The following LAMA2 variants were observed in gnomAD, a reference collection of about 807,000 sequenced individuals.
LAMA2 encodes laminin subunit alpha 2, also known as laminin subunit alpha-2.
LAMA2 carries 269 observed loss-of-function variants against 364.8 expected under a neutral mutation model. That is an observed-to-expected ratio of 0.74 (90% CI 0.67 to 0.82). The LOEUF (loss-of-function observed/expected upper bound fraction) is 0.82, where lower values mean the gene tolerates loss of function less well. Ranked by LOEUF, LAMA2 falls within the 40% of genes least tolerant of loss-of-function variation. The pLI is 0.00. For missense variants in LAMA2, 3,807 were observed against 3,873.2 expected, an observed-to-expected ratio of 0.98 and a Z score of 0.45; for synonymous variants, 1,379 against 1,370.6, an observed-to-expected ratio of 1.01 and a Z score of -0.14.
intron 37 of LAMA2, among the ~76,000 whole-genome samples, chr6:129,394,013 A>G (rs966895083): frequency 6.6e-5 from 10 of 152,204 alleles, no homozygotes. Flanking sequence ...GTTCTGATGG[A>G]ACTAGAACTA....
At chr6:129,081,050 A>G in intron 3 of LAMA2, among the ~76,000 whole-genome samples, 1 of 152,248 alleles carries the variant, frequency 6.6e-6, no homozygotes, top group Non-Finnish European at 1.5e-5. Flanking sequence ...ATACCATGGA[A>G]TACTATGTAG....
At chr6:129,305,613 A>ATGTG (rs1025244814) in intron 22 of LAMA2, among the ~76,000 whole-genome samples, 2 of 151,776 alleles carry the variant, frequency 1.3e-5, no homozygotes, top group East Asian at 3.9e-4. Flanking sequence ...GCCTAGCTTA[A>ATGTG]TGTGTGTGTG....
Position 129,088,153 on chromosome 6 carries a change from C to T in LAMA2, c.397-10020C>T, listed in dbSNP as rs552442477. Among the ~76,000 whole-genome samples the T allele has an allele frequency of 5.4e-3, 740 of 137,306 alleles. 15 individuals are homozygous for T. The highest frequency in any genetic ancestry group is 0.018 in the African/African-American group (700 of 38,020). 90.1% of individuals were successfully genotyped at this position (137,306 alleles called of 152,430 possible). On this transcript the variant is annotated intron_variant, in intron 3 of 64. Coordinates refer to ENST00000421865, the MANE Select transcript of LAMA2 (RefSeq NM_000426.4). ...TTAACAAAGCACATCTTGTACCGCC[C>T]TTAATCCATTCAACCCTGAGTGGAC...
At chr6:129,119,156 A>G (rs1231476988) in intron 4 of LAMA2, among the ~76,000 whole-genome samples, 1 of 152,220 alleles carries the variant, frequency 6.6e-6, no homozygotes, top group Non-Finnish European at 1.5e-5. Context: ...TATCAATAAA[A>G]TGTGTTCTTG....
At chr6:129,344,723 G>A (rs1776448865) in intron 30 of LAMA2, among the ~76,000 whole-genome samples, 2 of 152,194 alleles carry the variant, frequency 1.3e-5, no homozygotes, top group Non-Finnish European at 2.9e-5. Context: ...GGAGCAGTCA[G>A]AAGAGAGGGA....
chr6:129,182,789 A>G (rs1781007305), intron 10 of LAMA2, among the ~76,000 whole-genome samples: 3 of 151,796 alleles, frequency 2.0e-5, no homozygotes, highest in Non-Finnish European at 4.4e-5. Context: ...ATTCATTTGT[A>G]TCTAAGTATC....
chr6:129,201,240 AAC>A (rs1433450987), intron 12 of LAMA2, among the ~76,000 whole-genome samples: 1 of 152,190 alleles, frequency 6.6e-6, no homozygotes, highest in Non-Finnish European at 1.5e-5. Context: ...AAAAAAGCCA[AAC>A]ACAGCCTGGC....
chr6:129,285,762 C>G (rs1700570936), intron 18 of LAMA2, among the ~76,000 whole-genome samples: 2 of 151,984 alleles, frequency 1.3e-5, no homozygotes, highest in African/African-American at 4.8e-5. Flanking sequence ...TTATCAAATG[C>G]CTCTCTTGAA....
At chr6:128,982,460 A>G (rs1177654297) in intron 1 of LAMA2, among the ~76,000 whole-genome samples, 1 of 152,100 alleles carries the variant, frequency 6.6e-6, no homozygotes, top group African/African-American at 2.4e-5. Flanking sequence ...ATAGATCTCA[A>G]AAACATAACA....
At chr6:129,353,427 A>G in intron 32 of LAMA2, 70 bp downstream of exon 32, 1 of 1,322,166 alleles carries the variant, frequency 7.6e-7, no homozygotes. Context: ...CCAATGAGAA[A>G]GAGTGACTCT....
At chr6:128,929,918 A>T in intron 1 of LAMA2, 1 of 824,706 alleles carries the variant, frequency 1.2e-6, no homozygotes, top group Non-Finnish European at 2.0e-6. Flanking sequence ...GTACGCAGCA[A>T]GCAGGAGCGC....
chr6:129,306,313 CTTTT>C (rs11315443), intron 22 of LAMA2, among the ~76,000 whole-genome samples: 1 of 70,416 alleles, frequency 1.4e-5, no homozygotes, highest in Non-Finnish European at 3.0e-5. Context: ...TAATTTTTTC[CTTTT>C]TTTTTTTTTT....
intron 12 of LAMA2, among the ~76,000 whole-genome samples, chr6:129,214,193 G>A (rs866111879): frequency 1.3e-5 from 2 of 152,148 alleles, no homozygotes; most frequent in East Asian, 1.9e-4. Context: ...AGTTAGGACA[G>A]GTGCATTTGG....
At position 129,312,969 on chromosome 6, in the gene LAMA2, C is replaced by G; in HGVS notation, c.3283C>G (p.Arg1095Gly). Residue 1095 changes from arginine (R) to glycine (G), a missense_variant, in exon 23 of 65, where the codon CGA (arginine) becomes GGA (glycine). Physicochemically the swap from Arg to Gly is moderately radical, Grantham distance 125 (BLOSUM62 -2). Coordinates refer to ENST00000421865, the MANE Select transcript of LAMA2 (RefSeq NM_000426.4). The part of the protein sequence containing the change: ...FSGAKCTECS[R>G]GHWNYPRCNL... Reference sequence around the variant, plus strand: ...TGGTGCAAAATGTACAGAGTGCAGTCGAGGTCACTGGAACTACCCTCGCTG... The same window carrying G: ...TGGTGCAAAATGTACAGAGTGCAGTGGAGGTCACTGGAACTACCCTCGCTG... 1.2e-5 allele frequency: 19 copies of G among 1,614,006 alleles called. No homozygotes were observed. The highest frequency in any genetic ancestry group is 1.5e-5 in the Non-Finnish European group (18 of 1,179,880).
At chr6:128,998,149 A>G (rs907034974) in intron 1 of LAMA2, among the ~76,000 whole-genome samples, 1 of 152,166 alleles carries the variant, frequency 6.6e-6, no homozygotes, top group Non-Finnish European at 1.5e-5. Flanking sequence ...GCCTGGGCAC[A>G]GTCATGTTGG....
At chr6:129,361,965 G>T (rs974701318) in intron 32 of LAMA2, among the ~76,000 whole-genome samples, 1 of 151,708 alleles carries the variant, frequency 6.6e-6, no homozygotes, top group Non-Finnish European at 1.5e-5. Context: ...TGTATTTTTA[G>T]TAGAGATGGG....
chr6:128,923,893 A>G (rs145564159), intron 1 of LAMA2, among the ~76,000 whole-genome samples: 22 of 152,240 alleles, frequency 1.4e-4, no homozygotes, highest in African/African-American at 5.1e-4. Flanking sequence ...TATGGTTGCT[A>G]TGGCAGAGGA....
intron 28 of LAMA2, among the ~76,000 whole-genome samples, chr6:129,324,475 T>C (rs1288264731): frequency 6.6e-6 from 1 of 152,204 alleles, no homozygotes; most frequent in Non-Finnish European, 1.5e-5. Context: ...ATGAATCTGT[T>C]TCCAAAACCT....
intron 29 of LAMA2, among the ~76,000 whole-genome samples, chr6:129,336,077 T>G (rs1775941828): frequency 6.6e-6 from 1 of 152,212 alleles, no homozygotes; most frequent in Non-Finnish European, 1.5e-5. Flanking sequence ...GGAAACTGAT[T>G]GTCATCTCCA....
Sources: gnomAD v4.1 joint callset for allele counts (sites outside exome capture counted in the v4.1 genomes callset) on GRCh38, gnomAD v4.1.1 for gene constraint, MANE v1.5 for transcripts, NCBI Gene and HGNC (gene_info 2026-07-23, HGNC 2026-07-21) for gene names.